TOX2: variants seen among roughly 807,000 people sequenced by gnomAD.
The protein encoded by TOX2 is TOX high mobility group box family member 2, also known as granulosa cell HMG box 1.
Under a neutral mutation model 47.4 loss-of-function variants are expected in TOX2, and 15 were observed. The observed-to-expected ratio is 0.32, with a 90% CI of 0.21 to 0.49. The LOEUF is 0.49. Ranked by LOEUF, TOX2 falls within the 20% of genes least tolerant of loss-of-function variation. TOX2 has a pLI of 0.99. For missense variants in TOX2, 622 were observed against 673.1 expected, an observed-to-expected ratio of 0.92 and a Z score of 0.84; for synonymous variants, 290 against 296.6, an observed-to-expected ratio of 0.98 and a Z score of 0.23.
chr20:43,948,422 C>T (rs1281044024), intron 1 of TOX2, among the ~76,000 whole-genome samples: 3 of 152,222 alleles, frequency 2.0e-5, no homozygotes, highest in Non-Finnish European at 4.4e-5. Context: ...GTGGGAGCCT[C>T]CAGAGCAGGA....
intron 2 of TOX2, among the ~76,000 whole-genome samples, chr20:44,005,038 G>A (rs538529851): frequency 1.3e-5 from 2 of 152,230 alleles, no homozygotes; most frequent in South Asian, 4.1e-4. Context: ...TGCATTATTT[G>A]TATCAAAACA....
intron 3 of TOX2, among the ~76,000 whole-genome samples, chr20:44,031,781 T>C (rs1356055251): frequency 6.6e-6 from 1 of 152,000 alleles, no homozygotes; most frequent in Non-Finnish European, 1.5e-5. Flanking sequence ...CATGTGCTTT[T>C]GAGGGCCCAG....
intron 3 of TOX2, chr20:44,038,878 C>T: frequency 9.3e-7 from 1 of 1,074,500 alleles, no homozygotes; most frequent in South Asian, 1.9e-5. Flanking sequence ...CCTTGTGTTC[C>T]TGCAGCCCTG....
intron 3 of TOX2, among the ~76,000 whole-genome samples, chr20:44,019,080 TTGAC>T (rs112089152): frequency 0.019 from 2,833 of 152,108 alleles, 59 homozygotes; most frequent in African/African-American, 0.052. Flanking sequence ...AAAAGGTTTG[TTGAC>T]TGACTGACTG....
At chr20:43,955,469 G>C (rs936021421) in intron 1 of TOX2, among the ~76,000 whole-genome samples, 4 of 152,332 alleles carry the variant, frequency 2.6e-5, no homozygotes, top group African/African-American at 4.8e-5. Flanking sequence ...GGCAGGGTGA[G>C]CCGAGGTACT....
In TOX2 at chr20:43,994,458, C is replaced by CAA. The variant is rs1569074928; in HGVS notation, c.166-12089_166-12088insAA. ...TGGGTGACAGAGCCAGACCCTGTCT[C>CAA]CAAAAAAAAAAAAAAAGACTACCAC... On this transcript the variant is annotated intron_variant, in intron 2 of 8. Transcript: ENST00000341197. Among the ~76,000 whole-genome samples, 7 of 58,590 alleles carry CAA rather than the reference C, an allele frequency of 1.2e-4. 1 individual carries two copies. The highest frequency in any genetic ancestry group is 2.0e-4 in the African/African-American group (3 of 14,842). 38.4% of individuals were successfully genotyped at this position (58,590 alleles called of 152,430 possible).
chr20:44,030,119 A>G (rs6073290), intron 3 of TOX2, among the ~76,000 whole-genome samples: 103,780 of 151,870 alleles, frequency 0.68, 35,770 homozygotes, highest in East Asian at 0.78. Flanking sequence ...CCCACCTGGA[A>G]ACCCCCACTT....
chr20:43,965,738 T>C (rs1201973227), intron 1 of TOX2, among the ~76,000 whole-genome samples: 1 of 152,208 alleles, frequency 6.6e-6, no homozygotes. Context: ...AATGAGATCT[T>C]AGACCCAGGA....
chr20:44,039,690 C>A (rs2071300961), intron 3 of TOX2, among the ~76,000 whole-genome samples: 1 of 152,212 alleles, frequency 6.6e-6, no homozygotes, highest in Non-Finnish European at 1.5e-5. Context: ...CTGCTGTGGA[C>A]CCTCTGAAAG....
Position 43,973,354 on chromosome 20 carries a change from C to T in TOX2, c.100-13C>T, listed in dbSNP as rs748532417. The T allele has an allele frequency of 1.9e-6, 3 of 1,613,856 alleles. No homozygotes were observed. The highest frequency in any genetic ancestry group is 1.6e-4 in the Middle Eastern group (1 of 6,078). On this transcript the variant is annotated splice_polypyrimidine_tract_variant and intron_variant, in intron 1 of 8. Coordinates refer to ENST00000341197, the MANE Select transcript of TOX2 (RefSeq NM_001098797.2). Reference sequence around the variant, plus strand: ...TTTAATCAGAGCTGCTTCTCCCTCTCTCTCTATTCTAGTTTGATGGTGACA... The same window carrying T: ...TTTAATCAGAGCTGCTTCTCCCTCTTTCTCTATTCTAGTTTGATGGTGACA...
intron 7 of TOX2, 61 bp from the exon 8 acceptor site, chr20:44,066,669 C>T (rs925423217): frequency 5.1e-5 from 82 of 1,612,674 alleles, no homozygotes; most frequent in Non-Finnish European, 6.7e-5. Flanking sequence ...CCCGGGAGGC[C>T]TGGGACAGTC....
At position 44,062,657 on chromosome 20, in the gene TOX2, T is replaced by C. The variant is rs1292334010; in HGVS notation, c.880-2120T>C. On this transcript the variant is annotated intron_variant, in intron 5 of 8. Coordinates refer to ENST00000341197, the MANE Select transcript of TOX2 (RefSeq NM_001098797.2). ...CTAGAAAAAACAATCCTAAAATTCATGTGGAATCAAAAAAGAGCCCTCATA... is the reference window on the plus strand; with the variant it reads ...CTAGAAAAAACAATCCTAAAATTCACGTGGAATCAAAAAAGAGCCCTCATA... Among the ~76,000 whole-genome samples, 7 of 152,162 alleles carry C rather than the reference T, an allele frequency of 4.6e-5. 1 individual carries two copies. The South Asian group carries it at 8.3e-4, about 18-fold the overall frequency.
At chr20:43,987,925 T>C (rs969727498) in intron 2 of TOX2, among the ~76,000 whole-genome samples, 4 of 142,728 alleles carry the variant, frequency 2.8e-5, no homozygotes, top group Admixed American at 6.9e-5. Context: ...TTTTTTTTTT[T>C]TTTTTTTTTT....
At chr20:44,043,485 C>T (rs980568003) in intron 3 of TOX2, among the ~76,000 whole-genome samples, 15 of 152,166 alleles carry the variant, frequency 9.9e-5, no homozygotes, top group South Asian at 2.1e-4. Context: ...ATATTTTAAA[C>T]GTGTTCATAA....
chr20:43,954,576 T>A (rs2069635088), intron 1 of TOX2, among the ~76,000 whole-genome samples: 1 of 152,184 alleles, frequency 6.6e-6, no homozygotes, highest in Non-Finnish European at 1.5e-5. Context: ...CAGAGGGAGC[T>A]CTGGACCTTT....
intron 1 of TOX2, among the ~76,000 whole-genome samples, chr20:43,959,899 T>A (rs1167792040): frequency 6.6e-6 from 1 of 152,134 alleles, no homozygotes; most frequent in African/African-American, 2.4e-5. Flanking sequence ...AGCTCCATGT[T>A]ATGGGAGGTA....
chr20:43,976,008 C>A (rs1473309180), intron 2 of TOX2, among the ~76,000 whole-genome samples: 1 of 152,172 alleles, frequency 6.6e-6, no homozygotes, highest in African/African-American at 2.4e-5. Context: ...AGAGGGTCTC[C>A]CTAACTTAGG....
chr20:44,006,593 C>T lies in TOX2; in HGVS notation c.212C>T (p.Pro71Leu), dbSNP rs541712879. Residue 71 changes from proline to leucine, a missense_variant, in exon 3 of 9, where the codon CCG becomes CTG. Coordinates refer to ENST00000341197, the MANE Select transcript of TOX2 (RefSeq NM_001098797.2). ...SENNEDYEIP[P>L]ITPPNLPEPS... ...AACAACGAAGACTATGAGATCCCCC[C>T]GATAACACCTCCCAACCTCCCGGAG... The T allele has an allele frequency of 1.1e-5, 18 of 1,614,038 alleles. No homozygotes were observed. The highest frequency in any genetic ancestry group is 8.3e-5 in the Admixed American group (5 of 60,018).
intron 5 of TOX2, among the ~76,000 whole-genome samples, chr20:44,058,545 G>A (rs1461934356): frequency 6.6e-6 from 1 of 152,194 alleles, no homozygotes; most frequent in African/African-American, 2.4e-5. Flanking sequence ...TACTACTGCA[G>A]CTGATGTGCT....
Sources: gnomAD v4.1 joint callset for allele counts (sites outside exome capture counted in the v4.1 genomes callset) on GRCh38, gnomAD v4.1.1 for gene constraint, MANE v1.5 for transcripts, NCBI Gene and HGNC (gene_info 2026-07-23, HGNC 2026-07-21) for gene names.